The following ABCG2 variants were observed in gnomAD, a reference collection of about 807,000 sequenced individuals.
The protein encoded by ABCG2 is ATP binding cassette subfamily G member 2 (JR blood group), also known as broad substrate specificity ATP-binding cassette transporter ABCG2.
In ABCG2, 80 loss-of-function variants were observed where a neutral mutation model predicts 73.5. The observed-to-expected ratio is 1.09, with a 90% CI of 0.91 to 1.31. ABCG2 has a LOEUF of 1.31. Among genes scored for constraint, ABCG2 ranks in the 50% most tolerant of loss-of-function variants. ABCG2 has a pLI of 0.00. For synonymous variants in ABCG2, 269 were observed against 282.4 expected (o/e 0.95, Z 0.48); for missense variants, 796 against 786.2 (o/e 1.01, Z -0.15).
chr4:88,181,246 A>G (rs1326020346), intron 1 of ABCG2, among the ~76,000 whole-genome samples: 1 of 151,886 alleles, frequency 6.6e-6, no homozygotes, highest in Non-Finnish European at 1.5e-5. Flanking sequence ...CTAAAAATAC[A>G]AAAACTAGAC....
At chr4:88,221,023 C>T (rs1335598141) in intron 1 of ABCG2, among the ~76,000 whole-genome samples, 1 of 152,158 alleles carries the variant, frequency 6.6e-6, no homozygotes, top group Admixed American at 6.5e-5. Context: ...AATCCAAGCA[C>T]TTTGGGAGGC....
At chr4:88,141,230 A>C (rs144173531) in intron 1 of ABCG2, among the ~76,000 whole-genome samples, 2 of 152,288 alleles carry the variant, frequency 1.3e-5, no homozygotes, top group Non-Finnish European at 2.9e-5. Flanking sequence ...TGATAAAAGC[A>C]ACCAAAGCGG....
chr4:88,191,271 CAA>C (rs560675161), intron 1 of ABCG2, among the ~76,000 whole-genome samples: 1 of 100,516 alleles, frequency 9.9e-6, no homozygotes, highest in Non-Finnish European at 2.1e-5. Flanking sequence ...GACTCCGTCT[CAA>C]AAAAAAAAAA....
At chr4:88,163,655 C>CTG (rs1727402509), upstream of ABCG2, 1 of 250,224 alleles carries the variant, frequency 4.0e-6, no homozygotes, top group African/African-American at 2.3e-5. Context: ...CAAGAATAAG[C>CTG]CATCAGCATT....
At chr4:88,176,325 C>T (rs1481017) in intron 1 of ABCG2, among the ~76,000 whole-genome samples, 88,358 of 151,644 alleles carry the variant, frequency 0.58, 26,498 homozygotes, top group African/African-American at 0.71. Context: ...CTTAACCCTG[C>T]ATTTACTGAT....
intron 1 of ABCG2, among the ~76,000 whole-genome samples, chr4:88,157,354 T>G (rs1385144636): frequency 6.6e-6 from 1 of 152,152 alleles, no homozygotes; most frequent in African/African-American, 2.4e-5. Flanking sequence ...AGCAGTTAAA[T>G]GCAAAGTGAG....
At chr4:88,204,439 CAAACA>C (rs1177673384) in intron 1 of ABCG2, among the ~76,000 whole-genome samples, 2 of 151,996 alleles carry the variant, frequency 1.3e-5, no homozygotes, top group Non-Finnish European at 2.9e-5. Flanking sequence ...AACAAACAAA[CAAACA>C]AAAGAATTCA....
At chr4:88,146,623 A>G (rs67433331) in intron 1 of ABCG2, among the ~76,000 whole-genome samples, 7,191 of 152,032 alleles carry the variant, frequency 0.047, 224 homozygotes, top group Middle Eastern at 0.068. Flanking sequence ...TGAACTCCCA[A>G]CCTCAGGTGA....
intron 1 of ABCG2, among the ~76,000 whole-genome samples, chr4:88,185,231 G>T (rs939619596): frequency 6.6e-6 from 1 of 152,162 alleles, no homozygotes; most frequent in African/African-American, 2.4e-5. Flanking sequence ...GGGCGTGGTT[G>T]TGGGCACCTG....
intron 1 of ABCG2, 99 bp downstream of exon 1, chr4:88,158,287 G>T (rs1727088812): frequency 6.1e-6 from 2 of 329,636 alleles, no homozygotes; most frequent in Admixed American, 4.3e-5. Context: ...CAGTCGTCTC[G>T]TTTGAACGGT....
At position 88,210,184 on chromosome 4, in the gene ABCG2, T is replaced by TACACAC. The variant is rs36209812; in HGVS notation, c.-20+20804_-20+20809dup. 7.4e-4 allele frequency among the ~76,000 whole-genome samples: 111 copies of TACACAC among 149,590 alleles called. 2 individuals are homozygous for TACACAC. The highest frequency in any genetic ancestry group is 6.4e-3 in the South Asian group (30 of 4,654). On this transcript the variant is annotated intron_variant, in intron 1 of 15. Transcript: ENST00000515655. ...AAGATGTCAGTAATGTAAGTAATCC[T>TACACAC]ACACACACACACACACACACACACA...
chr4:88,120,302 A>G (rs1290141300), intron 6 of ABCG2, among the ~76,000 whole-genome samples: 1 of 152,200 alleles, frequency 6.6e-6, no homozygotes, highest in East Asian at 1.9e-4. Flanking sequence ...GAGCCCCTAC[A>G]CAGGGCCCCC....
intron 9 of ABCG2, 63 bp from the exon 10 acceptor site, chr4:88,107,329 A>T (rs1047122001): frequency 9.2e-7 from 1 of 1,090,980 alleles, no homozygotes; most frequent in Non-Finnish European, 1.3e-6. Flanking sequence ...AAACTTATAC[A>T]CACCATTTAT....
intron 2 of ABCG2, among the ~76,000 whole-genome samples, chr4:88,134,768 A>G (rs905727150): frequency 6.6e-6 from 1 of 152,208 alleles, no homozygotes; most frequent in African/African-American, 2.4e-5. Context: ...AAACAACAAC[A>G]ATGTCCAGTC....
intron 1 of ABCG2, among the ~76,000 whole-genome samples, chr4:88,147,320 C>T (rs1008174448): frequency 6.6e-6 from 1 of 152,098 alleles, no homozygotes; most frequent in Non-Finnish European, 1.5e-5. Context: ...AACTCTCTAG[C>T]AATATATACC....
intron 1 of ABCG2, among the ~76,000 whole-genome samples, chr4:88,141,877 T>A (rs899387469): frequency 6.6e-6 from 1 of 152,040 alleles, no homozygotes; most frequent in Non-Finnish European, 1.5e-5. Flanking sequence ...AAAAGATTGA[T>A]GTGTTTAAGA....
chr4:88,123,588 A>G (rs189370225), intron 5 of ABCG2, among the ~76,000 whole-genome samples: 1 of 152,256 alleles, frequency 6.6e-6, no homozygotes, highest in East Asian at 1.9e-4. Context: ...AAACTTAATG[A>G]AATAAAGCGT....
At chr4:88,152,443 G>A (rs1457922055) in intron 1 of ABCG2, among the ~76,000 whole-genome samples, 1 of 152,142 alleles carries the variant, frequency 6.6e-6, no homozygotes, top group African/African-American at 2.4e-5. Context: ...AGGGAGATAG[G>A]GATGGGGCCA....
upstream of ABCG2, among the ~76,000 whole-genome samples, chr4:88,162,679 G>A (rs1727364429): frequency 6.6e-6 from 1 of 152,152 alleles, no homozygotes; most frequent in Non-Finnish European, 1.5e-5. Context: ...TTGTAAGTTA[G>A]CATTGTTTTT....
Sources: gnomAD v4.1 joint callset for allele counts (sites outside exome capture counted in the v4.1 genomes callset) on GRCh38, gnomAD v4.1.1 for gene constraint, MANE v1.5 for transcripts, NCBI Gene and HGNC (gene_info 2026-07-23, HGNC 2026-07-21) for gene names.